Variants in GOLPH3L observed in about 807,000 individuals in gnomAD.
The protein encoded by GOLPH3L is Golgi phosphoprotein 3-like.
A neutral mutation model predicts 30.3 loss-of-function variants in GOLPH3L; 22 were observed. The ratio of observed to expected loss-of-function variants is 0.73; its 90% CI spans 0.52 to 1.04. The LOEUF is 1.04. Among genes scored for constraint, GOLPH3L ranks in the 50% least tolerant of loss-of-function variants. GOLPH3L has a pLI of 0.00. For synonymous variants in GOLPH3L, 120 were observed against 128.2 expected (o/e 0.94, Z 0.43); for missense variants, 303 against 345.8 (o/e 0.88, Z 0.98).
chr1:150,677,226 G>A (rs1055077478), intron 2 of GOLPH3L, among the ~76,000 whole-genome samples: 8 of 151,480 alleles, frequency 5.3e-5, no homozygotes, highest in African/African-American at 9.7e-5. Flanking sequence ...ATGAGCCACC[G>A]TGCCTGGCCT....
At chr1:150,676,127 C>T (rs1650771450) in intron 2 of GOLPH3L, among the ~76,000 whole-genome samples, 2 of 152,138 alleles carry the variant, frequency 1.3e-5, no homozygotes, top group Admixed American at 6.6e-5. Flanking sequence ...GCGCATGCCA[C>T]CATGCCTGGC....
chr1:150,662,642 G>A (rs1479471696), intron 3 of GOLPH3L, among the ~76,000 whole-genome samples: 1 of 152,152 alleles, frequency 6.6e-6, no homozygotes, highest in African/African-American at 2.4e-5. Context: ...TCACTCAAGT[G>A]ATACAAACTG....
chr1:150,686,593 T>C (rs1480006091), intron 2 of GOLPH3L, among the ~76,000 whole-genome samples: 1 of 152,208 alleles, frequency 6.6e-6, no homozygotes, highest in African/African-American at 2.4e-5. Context: ...ATACCTGCCT[T>C]GCAGGATTAA....
At chr1:150,651,424 C>A (rs893113904) in intron 4 of GOLPH3L, among the ~76,000 whole-genome samples, 3 of 151,584 alleles carry the variant, frequency 2.0e-5, no homozygotes, top group Non-Finnish European at 4.4e-5. Flanking sequence ...CTGAGGCAGG[C>A]GGATTACTTG....
chr1:150,649,856 G>C (rs1650064906), intron 4 of GOLPH3L, among the ~76,000 whole-genome samples: 2 of 152,096 alleles, frequency 1.3e-5, no homozygotes, highest in Non-Finnish European at 2.9e-5. Context: ...TAATAGCCGG[G>C]TGTGGTGGTA....
At chr1:150,658,384 C>T (rs957297720) in intron 4 of GOLPH3L, among the ~76,000 whole-genome samples, 1 of 152,208 alleles carries the variant, frequency 6.6e-6, no homozygotes, top group African/African-American at 2.4e-5. Flanking sequence ...CAATTATACT[C>T]ATTGGGCATA....
chr1:150,692,603 G>A (rs1571058820), intron 2 of GOLPH3L, among the ~76,000 whole-genome samples: 1 of 152,074 alleles, frequency 6.6e-6, no homozygotes, highest in Admixed American at 6.6e-5. Flanking sequence ...ATGTTGCCCA[G>A]GCTGGTCTTG....
At position 150,694,802 on chromosome 1, in the gene GOLPH3L, T is replaced by C. The variant is rs371196690; in HGVS notation, c.37A>G (p.Ile13Val). Residue 13 changes from isoleucine to valine, a missense_variant, in exon 2 of 5, where the codon ATA (isoleucine) becomes GTA (valine). Coordinates refer to ENST00000271732, the MANE Select transcript of GOLPH3L (RefSeq NM_018178.6). ...TLTHRARRTE[I>V]SKNSEKKMES... ...ATCTTCTTTTCAGAGTTCTTGCTTA[T>C]TTCAGTGCGACGGGCCCGGTGAGTT... 88 of 1,613,308 alleles carry C rather than the reference T, an allele frequency of 5.5e-5. No homozygotes were observed. The highest frequency in any genetic ancestry group is 1.2e-4 in the Admixed American group (7 of 59,894).
chr1:150,694,782 C>G lies in GOLPH3L; in HGVS notation c.57G>C (p.Lys19Asn). Residue 19 changes from lysine to asparagine, a missense_variant, in exon 2 of 5, where the codon AAG becomes AAC. Physicochemically the swap from Lys to Asn is moderately conservative, Grantham distance 94. Coordinates refer to ENST00000271732, the MANE Select transcript of GOLPH3L (RefSeq NM_018178.6). ...TACTGTCTTCCTCACTTTCCATCTT[C>G]TTTTCAGAGTTCTTGCTTATTTCAG... ...RRTEISKNSE[K>N]KMESEEDSNW... 6.2e-7 allele frequency: 1 copy of G among 1,613,280 alleles called. No individual in the cohort carries two copies. Among genetic ancestry groups the G allele is most frequent in the Non-Finnish European group, 8.5e-7 (1 of 1,179,406 alleles).
intron 4 of GOLPH3L, among the ~76,000 whole-genome samples, chr1:150,659,236 T>G (rs1006347536): frequency 6.6e-6 from 1 of 152,190 alleles, no homozygotes; most frequent in Middle Eastern, 3.2e-3. Context: ...GTGTTGGGAA[T>G]AGGCCTCAAA....
intron 4 of GOLPH3L, among the ~76,000 whole-genome samples, chr1:150,658,545 C>A (rs1435564544): frequency 6.6e-6 from 1 of 152,140 alleles, no homozygotes; most frequent in Non-Finnish European, 1.5e-5. Context: ...CAAAATTGAA[C>A]CTGGCCAGAG....
At chr1:150,658,827 T>C (rs1219924159) in intron 4 of GOLPH3L, among the ~76,000 whole-genome samples, 1 of 152,214 alleles carries the variant, frequency 6.6e-6, no homozygotes. Context: ...TGGCCCGCTG[T>C]AGGAGCTAAA....
At chr1:150,657,390 A>G (rs1650263333) in intron 4 of GOLPH3L, among the ~76,000 whole-genome samples, 1 of 152,272 alleles carries the variant, frequency 6.6e-6, no homozygotes, top group Non-Finnish European at 1.5e-5. Flanking sequence ...AGCTAAAGCT[A>G]TTATCTAGCG....
At chr1:150,664,085 A>C (rs1650437949) in intron 2 of GOLPH3L, among the ~76,000 whole-genome samples, 1 of 151,486 alleles carries the variant, frequency 6.6e-6, no homozygotes, top group Admixed American at 6.6e-5. Flanking sequence ...TGCAGCCTTG[A>C]CCTCCTGGGC....
rs1459797826 is a variant in GOLPH3L at position 150,663,708 on chromosome 1, A to G, written c.239T>C (p.Leu80Pro). 6.2e-7 allele frequency: 1 copy of G among 1,613,450 alleles called. No individual in the cohort carries two copies. The highest frequency in any genetic ancestry group is 1.7e-5 in the Admixed American group (1 of 60,014). The change falls in exon 3 of 5, where the codon CTG (leucine) becomes CCG (proline). Residue 80 changes from leucine (L) to proline (P), a missense_variant. Leu to Pro is a moderately conservative substitution (Grantham distance 98, BLOSUM62 -3). Transcript: ENST00000271732. ...TCGACCCCGCATGGCCAGCTCTATC[A>G]GGATGCCCCCTCGCAGGCCTGATGA... ...CISSGLRGGILIELAMRGRIY... is the reference protein window; with the variant it reads ...CISSGLRGGIPIELAMRGRIY...
chr1:150,688,553 A>G (rs587691733), intron 2 of GOLPH3L, among the ~76,000 whole-genome samples: 2 of 152,268 alleles, frequency 1.3e-5, no homozygotes, highest in African/African-American at 4.8e-5. Context: ...GGAATTCAAG[A>G]CCAGCCTGGC....
At chr1:150,677,935 T>G (rs116688795) in intron 2 of GOLPH3L, among the ~76,000 whole-genome samples, 1 of 151,772 alleles carries the variant, frequency 6.6e-6, no homozygotes, top group Non-Finnish European at 1.5e-5. Context: ...CTCAAACAGT[T>G]GTTTCTTATA....
At chr1:150,677,162 C>A (rs1650827731) in intron 2 of GOLPH3L, among the ~76,000 whole-genome samples, 1 of 150,338 alleles carries the variant, frequency 6.7e-6, no homozygotes, top group South Asian at 2.1e-4. Context: ...CCTCTGCCTC[C>A]CGGGTTCAAG....
At chr1:150,673,271 A>C (rs1404594347) in intron 2 of GOLPH3L, among the ~76,000 whole-genome samples, 1 of 152,110 alleles carries the variant, frequency 6.6e-6, no homozygotes, top group Non-Finnish European at 1.5e-5. Flanking sequence ...GTCCAAAGAA[A>C]ACGGAAGAAA....
Sources: gnomAD v4.1 joint callset for allele counts (sites outside exome capture counted in the v4.1 genomes callset) on GRCh38, gnomAD v4.1.1 for gene constraint, MANE v1.5 for transcripts, NCBI Gene and HGNC (gene_info 2026-07-23, HGNC 2026-07-21) for gene names.